The following ELAC2 variants were observed in gnomAD, a reference collection of about 807,000 sequenced individuals.
ELAC2 encodes elaC ribonuclease Z 2.
A neutral mutation model predicts 105.2 loss-of-function variants in ELAC2; 92 were observed. The observed-to-expected ratio is 0.87, with a 90% CI of 0.74 to 1.04. The LOEUF (loss-of-function observed/expected upper bound fraction) is 1.04. Ranked by LOEUF, ELAC2 falls within the 50% of genes least tolerant of loss-of-function variation. The pLI, the probability that ELAC2 is intolerant of heterozygous loss-of-function variation, is 0.00. For missense variants in ELAC2, 1,099 were observed against 1,071.7 expected (o/e 1.03, Z -0.36); for synonymous variants, 468 against 409.1 (o/e 1.14, Z -1.74).
At chr17:12,996,831 C>T (rs1237240704) in intron 16 of ELAC2, 146 bp from the exon 17 acceptor site, 1 of 1,113,570 alleles carries the variant, frequency 9.0e-7, no homozygotes, top group African/African-American at 1.6e-5. Flanking sequence ...ATATAAAAGC[C>T]AATTAATTTA....
intron 2 of ELAC2, 44 bp downstream of exon 2, chr17:13,017,027 G>GCC: frequency 6.2e-7 from 1 of 1,613,120 alleles, no homozygotes; most frequent in Non-Finnish European, 8.5e-7. Flanking sequence ...CGGCTTTCAA[G>GCC]CCCCGTAATC....
Position 12,993,720 on chromosome 17 carries a change from G to A in ELAC2, c.2220C>T (p.Ser740=), listed in dbSNP as rs140626107. 15 of 1,614,038 alleles carry A rather than the reference G, an allele frequency of 9.3e-6. No individual in the cohort carries two copies. Among genetic ancestry groups the A allele is most frequent in the African/African-American group, 8.0e-5 (6 of 74,914 alleles). ...AKVPLFSPNF[S]EKVGVAFDHM... is the part of the protein sequence containing the mutation. ...GGTCAAAGGCAACTCCCACTTTCTC[G>A]CTGAAGTTGGGGCTGAAGAGGGGGA... Residue 740 remains serine (S), a synonymous_variant, in exon 23 of 24, where the codon AGC becomes AGT. Transcript: ENST00000338034.
Position 13,000,196 on chromosome 17 carries a change from C to T in ELAC2, c.1383G>A (p.Gln461=). The change falls in exon 15 of 24, where the codon CAG becomes CAA. Residue 461 remains glutamine, a synonymous_variant. Coordinates refer to ENST00000338034, the MANE Select transcript of ELAC2 (RefSeq NM_018127.7). ...LQLPNFQQSV[Q]EYRRSAQDGP... is the part of the protein sequence containing the mutation. ...CGTCCTGCGCACTCCTCCTGTACTC[C>T]TGCACGCTCTGCTGGAAGTTGGGAA... The T allele has an allele frequency of 6.2e-7, 1 of 1,614,078 alleles. No homozygotes were observed. Among genetic ancestry groups the T allele is most frequent in the Non-Finnish European group, 8.5e-7 (1 of 1,180,042 alleles).
At chr17:13,011,909 AAATAACT>A in intron 6 of ELAC2, 127 bp from the exon 7 acceptor site, 1 of 1,439,114 alleles carries the variant, frequency 6.9e-7, no homozygotes, top group Non-Finnish European at 9.5e-7. Context: ...ATACAGTAGG[AAATAACT>A]AGTTAGTTAA....
At position 12,992,433 on chromosome 17, in the gene ELAC2, T is replaced by TAAGTC. The variant is rs2040231217; in HGVS notation, c.*380_*384dup. 2 of 379,822 alleles carry TAAGTC rather than the reference T, an allele frequency of 5.3e-6. No individual in the cohort carries two copies. The highest frequency in any genetic ancestry group is 9.8e-6 in the Non-Finnish European group (2 of 204,854). 23.5% of individuals were successfully genotyped at this position (379,822 alleles called of 1,614,324 possible). A position where few individuals can be genotyped will look rare whatever the true frequency, so the allele number is the denominator to read the frequency against. On this transcript the variant is annotated 3_prime_UTR_variant, in exon 24 of 24. Transcript: ENST00000338034. ...ATTGCAGCTGAAATACTATTTTCGT[T>TAAGTC]AAGTCTCGGACACTTAGACCCACTG...
At chr17:13,003,167 T>C (rs1441772108) in intron 12 of ELAC2, among the ~76,000 whole-genome samples, 1 of 152,234 alleles carries the variant, frequency 6.6e-6, no homozygotes, top group Non-Finnish European at 1.5e-5. Context: ...ATTTTATAGC[T>C]GCAATCTCTT....
At chr17:12,993,542 C>G in intron 23 of ELAC2, 145 bp downstream of exon 23, 1 of 1,250,088 alleles carries the variant, frequency 8.0e-7, no homozygotes, top group Non-Finnish European at 1.1e-6. Flanking sequence ...CAGGGTGGTT[C>G]GACCTGGTTA....
chr17:12,999,048 G>A (rs1337073617), intron 15 of ELAC2, among the ~76,000 whole-genome samples: 5 of 152,156 alleles, frequency 3.3e-5, no homozygotes, highest in African/African-American at 9.7e-5. Context: ...GTTCTATCCA[G>A]CTTCCCAGGA....
At chr17:13,016,736 C>A in intron 3 of ELAC2, 126 bp downstream of exon 3, 1 of 915,688 alleles carries the variant, frequency 1.1e-6, no homozygotes, top group Non-Finnish European at 1.6e-6. Context: ...GCCAAGATCA[C>A]GCCACTGACA....
chr17:13,000,052 A>T (rs988733227), intron 15 of ELAC2, 104 bp downstream of exon 15: 1 of 1,028,222 alleles, frequency 9.7e-7, no homozygotes, highest in African/African-American at 1.6e-5. Context: ...TAGACTGAAA[A>T]GCCAGGTTAG....
chr17:12,997,463 G>A (rs1399015652), intron 16 of ELAC2, among the ~76,000 whole-genome samples: 9 of 152,134 alleles, frequency 5.9e-5, no homozygotes, highest in Middle Eastern at 3.2e-3. Context: ...GTCGGGAGGC[G>A]GAGGCAAGGT....
Position 12,995,018 on chromosome 17 carries a change from C to T in ELAC2, c.1853G>A (p.Ser618Asn). ...KCLQEGAEIS[S>N]PAVERLISSL... ...ACTGATCAATCTTTCCACTGCAGGA[C>T]TGGAGATCTCAGCCCCTTCCTGAAG... The change falls in exon 20 of 24, where the codon AGT becomes AAT. Residue 618 changes from serine (S) to asparagine (N), a missense_variant. By Grantham distance (46) the Ser-to-Asn change is conservative (BLOSUM62 1). Coordinates refer to ENST00000338034, the MANE Select transcript of ELAC2 (RefSeq NM_018127.7). 6.2e-7 allele frequency: 1 copy of T among 1,614,226 alleles called. No individual in the cohort carries two copies. Among genetic ancestry groups the T allele is most frequent in the Non-Finnish European group, 8.5e-7 (1 of 1,180,040 alleles).
chr17:12,999,181 A>G (rs1442651617), intron 15 of ELAC2, among the ~76,000 whole-genome samples: 1 of 152,254 alleles, frequency 6.6e-6, no homozygotes, highest in Non-Finnish European at 1.5e-5. Flanking sequence ...TCCTTTCTTC[A>G]AAAGAATTGC....
intron 14 of ELAC2, 32 bp downstream of exon 14, chr17:13,002,240 TGA>T (rs770611821): frequency 1.2e-6 from 2 of 1,611,244 alleles, no homozygotes; most frequent in Non-Finnish European, 1.7e-6. Context: ...CCAACTCGAC[TGA>T]GACGATTCCA....
At chr17:13,017,645 C>T in intron 1 of ELAC2, 58 bp downstream of exon 1, 1 of 1,611,594 alleles carries the variant, frequency 6.2e-7, no homozygotes, top group Non-Finnish European at 8.5e-7. Flanking sequence ...TGCCCCGATG[C>T]TCAGAGGCTG....
At chr17:12,994,658 A>C in intron 21 of ELAC2, 106 bp downstream of exon 21, 1 of 1,606,764 alleles carries the variant, frequency 6.2e-7, no homozygotes, top group African/African-American at 1.3e-5. Flanking sequence ...TGGGGACCTG[A>C]GTCTCCTGCC....
chr17:13,000,525 C>A (rs1184268610), intron 14 of ELAC2: 2 of 517,518 alleles, frequency 3.9e-6, no homozygotes, highest in Non-Finnish European at 7.1e-6. Flanking sequence ...TTTTCTGTGG[C>A]CAGTGCTGCT....
chr17:13,011,836 C>A, intron 6 of ELAC2, 54 bp from the exon 7 acceptor site: 1 of 1,613,648 alleles, frequency 6.2e-7, no homozygotes, highest in South Asian at 1.1e-5. Flanking sequence ...AGCTGACAGC[C>A]AAGGCCCAGA....
rs1197531478 is a variant in ELAC2, at chr17:12,996,021, C to T, written c.1660-43G>A. 2.6e-6 allele frequency: 4 copies of T among 1,565,732 alleles called. No homozygotes were observed. The Admixed American group carries it at 7.4e-5, about 29-fold the overall frequency. On this transcript the variant is annotated intron_variant, in intron 17 of 23. Transcript: ENST00000338034. ...GACATGCGTCAGCCAGGCCCCAGGG[C>T]CATCCCCTCCGGGTTAGGGTCTGCA... is the stretch of plus-strand genomic sequence containing the variant.
Sources: gnomAD v4.1 joint callset for allele counts (sites outside exome capture counted in the v4.1 genomes callset) on GRCh38, gnomAD v4.1.1 for gene constraint, MANE v1.5 for transcripts, NCBI Gene and HGNC (gene_info 2026-07-23, HGNC 2026-07-21) for gene names.